TBL1X: variants seen among roughly 807,000 people sequenced by gnomAD.
TBL1X encodes transducin beta like 1 X-linked.
Under a neutral mutation model 50.7 loss-of-function variants are expected in TBL1X, and 10 were observed. The ratio of observed to expected loss-of-function variants is 0.20; its 90% confidence interval spans 0.12 to 0.33. The LOEUF (loss-of-function observed/expected upper bound fraction) is 0.33. TBL1X is among the 10% of genes least tolerant of loss of function. The pLI is 1.00. For missense variants in TBL1X, 340 were observed against 504.4 expected (o/e 0.67, Z 3.12); for synonymous variants, 190 against 214.7 (o/e 0.88, Z 1.01).
At chrX:9,531,758 G>C (rs779962888) in intron 2 of TBL1X, among the ~76,000 whole-genome samples, 1 of 107,578 alleles carries the variant, frequency 9.3e-6, no homozygotes, top group Admixed American at 1.0e-4. Context: ...TTTGAGACAC[G>C]GTCTCATTCT....
chrX:9,516,376 C>G (rs1157249101), intron 2 of TBL1X, among the ~76,000 whole-genome samples: 1 of 111,687 alleles, frequency 9.0e-6, no homozygotes, highest in East Asian at 2.8e-4. Flanking sequence ...TGAATGTGGT[C>G]CAGCCCTTTA....
intron 2 of TBL1X, among the ~76,000 whole-genome samples, chrX:9,616,685 G>A (rs1437021285): frequency 8.9e-6 from 1 of 112,250 alleles, no homozygotes; most frequent in Non-Finnish European, 1.9e-5. Flanking sequence ...CGATGGTGCT[G>A]TTAAAACTTA....
chrX:9,495,748 A>G (rs2081968054), intron 1 of TBL1X, among the ~76,000 whole-genome samples: 1 of 112,004 alleles, frequency 8.9e-6, no homozygotes, highest in South Asian at 3.7e-4. Context: ...TCAGGACATG[A>G]GACAGCACTG....
At chrX:9,549,770 C>A (rs945262849) in intron 2 of TBL1X, among the ~76,000 whole-genome samples, 2 of 111,963 alleles carry the variant, frequency 1.8e-5, no homozygotes, top group African/African-American at 3.2e-5. Flanking sequence ...GTACAGAATT[C>A]TGCGATGCCT....
chrX:9,512,745 C>T (rs2082062466), intron 2 of TBL1X, among the ~76,000 whole-genome samples: 2 of 111,201 alleles, frequency 1.8e-5, no homozygotes, highest in Non-Finnish European at 3.8e-5. Context: ...GTGATCCTCC[C>T]GCCTCAGCCT....
intron 2 of TBL1X, among the ~76,000 whole-genome samples, chrX:9,555,282 G>A (rs764604247): frequency 1.8e-4 from 20 of 110,915 alleles, no homozygotes; most frequent in Non-Finnish European, 3.4e-4. Flanking sequence ...TTGTTATGTT[G>A]CCTAGGCTGG....
chrX:9,687,759 C>T (rs1356276806), intron 6 of TBL1X, among the ~76,000 whole-genome samples: 1 of 107,935 alleles, frequency 9.3e-6, no homozygotes, highest in Non-Finnish European at 1.9e-5. Context: ...TCCTCAATGC[C>T]CCAATTGGGT....
intron 1 of TBL1X, among the ~76,000 whole-genome samples, chrX:9,488,362 C>T (rs1165689659): frequency 8.9e-6 from 1 of 111,916 alleles, no homozygotes; most frequent in African/African-American, 3.2e-5. Context: ...TTTTCCAGCT[C>T]CTGGAGACTG....
intron 3 of TBL1X, among the ~76,000 whole-genome samples, chrX:9,642,479 A>G (rs191075934): frequency 1.8e-5 from 2 of 112,012 alleles, no homozygotes; most frequent in East Asian, 5.6e-4. Flanking sequence ...TCCTCCTTTC[A>G]AAGGCATCCA....
chrX:9,518,686 C>A, intron 2 of TBL1X, among the ~76,000 whole-genome samples: 1 of 111,011 alleles, frequency 9.0e-6, no homozygotes, highest in Non-Finnish European at 1.9e-5. Context: ...GAGGCTGGGT[C>A]ATCTGAAAGA....
intron 6 of TBL1X, among the ~76,000 whole-genome samples, chrX:9,685,992 G>A (rs980439135): frequency 1.8e-5 from 2 of 111,662 alleles, no homozygotes; most frequent in Admixed American, 1.9e-4. Flanking sequence ...AGTGCTGGGA[G>A]TACAGGCGTG....
At chrX:9,488,911 C>A (rs1299952434) in intron 1 of TBL1X, among the ~76,000 whole-genome samples, 1 of 111,163 alleles carries the variant, frequency 9.0e-6, no homozygotes, top group Admixed American at 9.6e-5. Context: ...GTCTCAAACT[C>A]CTGGTCTCAA....
intron 11 of TBL1X, among the ~76,000 whole-genome samples, chrX:9,694,959 C>CAAATAAATAAATAAATAAAT (rs58923242): frequency 5.9e-4 from 59 of 100,247 alleles, no homozygotes; most frequent in African/African-American, 1.9e-3. Flanking sequence ...AACTTCATCT[C>CAAATAAATAAATAAATAAAT]AAATAAATAA....
chrX:9,718,736 G>A lies in TBL1X; in HGVS notation c.*2490G>A, dbSNP rs1243264236. ...ACTAGACAATCTTCACATGAATGTC[G>A]GTAGCCAGGGTCTCTCCCGAGGGAT... On this transcript the variant is annotated 3_prime_UTR_variant, in exon 18 of 18. Transcript: ENST00000645353. 2 of 111,990 alleles carry A rather than the reference G, an allele frequency of 1.8e-5. No individual in the cohort carries two copies. The highest frequency in any genetic ancestry group is 3.2e-5 in the African/African-American group (1 of 30,807). The allele number at this position is 111,990 out of a possible 1,213,427, so 9.2% of individuals were successfully genotyped here.
At chrX:9,698,432 C>G (rs1053563903) in intron 12 of TBL1X, among the ~76,000 whole-genome samples, 2 of 111,824 alleles carry the variant, frequency 1.8e-5, no homozygotes, top group Admixed American at 1.9e-4. Flanking sequence ...ACGGTGCACA[C>G]GGCCAAATCC....
Position 9,511,887 on chromosome X carries a change from G to T in TBL1X, c.-131+10038G>T, listed in dbSNP as rs1355759118. Among the ~76,000 whole-genome samples the T allele has an allele frequency of 4.5e-5, 5 of 111,795 alleles. No homozygotes were observed. In the East Asian group the frequency reaches 1.1e-3, roughly 25 times the overall value. On this transcript the variant is annotated intron_variant, in intron 2 of 17. Coordinates refer to ENST00000645353, the MANE Select transcript of TBL1X (RefSeq NM_005647.4). ...CTGTTTTTTTTTCTTTTTTGAGAGG[G>T]TCTTGCTCTGTTGCCTGGGTTGGCG...
chrX:9,464,063 G>C (rs1333181934), upstream of TBL1X, among the ~76,000 whole-genome samples: 1 of 111,535 alleles, frequency 9.0e-6, no homozygotes, highest in Non-Finnish European at 1.9e-5. Context: ...AAAGGAAGGG[G>C]CAAGAATATT....
intron 2 of TBL1X, among the ~76,000 whole-genome samples, chrX:9,588,035 G>C (rs1486008241): frequency 8.9e-6 from 1 of 111,764 alleles, no homozygotes; most frequent in African/African-American, 3.3e-5. Context: ...ATATCCACGA[G>C]TTCTGCTTCT....
In TBL1X at chrX:9,709,749, C is replaced by T; in HGVS notation, c.1428C>T (p.Ile476=). The T allele has an allele frequency of 8.3e-7, 1 of 1,209,191 alleles. No individual in the cohort carries two copies. The highest frequency in any genetic ancestry group is 1.1e-6 in the Non-Finnish European group (1 of 894,125). The change falls in exon 15 of 18, where the codon ATC becomes ATT. Residue 476 remains isoleucine (I), a synonymous_variant. Transcript: ENST00000645353. The part of the protein sequence containing the change: ...GPATSNPNSN[I]MLASASFDST... ...CCACCAGCAACCCAAACTCCAACAT[C>T]ATGTTGGCAAGGTAAGGGCAGGCAA...
Sources: allele counts gnomAD v4.1 joint callset (sites outside exome capture counted in the v4.1 genomes callset), GRCh38; gene constraint gnomAD v4.1.1; transcripts MANE v1.5; gene names NCBI Gene and HGNC (gene_info 2026-07-23, HGNC 2026-07-21).